The following GPI variants were observed in gnomAD, a reference collection of about 807,000 sequenced individuals.
GPI encodes glucose-6-phosphate isomerase.
In GPI, 56 loss-of-function variants were observed where a neutral mutation model predicts 75.8. That is an observed-to-expected ratio of 0.74 (90% CI 0.60 to 0.92). The LOEUF is 0.92. Ranked by LOEUF, GPI falls within the 40% of genes least tolerant of loss-of-function variation. The pLI, the probability that GPI is intolerant of heterozygous loss-of-function variation, is 0.00. For synonymous variants in GPI, 288 were observed against 285.4 expected (o/e 1.01, Z -0.09); for missense variants, 638 against 741.0 (o/e 0.86, Z 1.61).
Position 34,377,841 on chromosome 19 carries a change from A to C in GPI, c.593A>C (p.Gln198Pro), listed in dbSNP as rs769714482. ...ACTCACATTGCCAAAACCCTGGCCC[A>C]GCTGAACCCCGAGTCCTCCCTGTTC... ...DGTHIAKTLA[Q>P]LNPESSLFII... Residue 198 changes from glutamine to proline, a missense_variant, in exon 6 of 18, where the codon CAG becomes CCG. Physicochemically the swap from Gln to Pro is moderately conservative, Grantham distance 76. Transcript: ENST00000356487. 1 of 1,614,070 alleles carries C rather than the reference A, an allele frequency of 6.2e-7. No individual in the cohort carries two copies. Among genetic ancestry groups the C allele is most frequent in the Non-Finnish European group, 8.5e-7 (1 of 1,179,990 alleles).
intron 9 of GPI, among the ~76,000 whole-genome samples, chr19:34,384,078 C>T (rs538196907): frequency 3.3e-5 from 5 of 152,030 alleles, no homozygotes; most frequent in Admixed American, 6.6e-5. Context: ...CTGGTAAGGA[C>T]GTTGGAGCTA....
chr19:34,381,413 C>T, intron 8 of GPI, 53 bp from the exon 9 acceptor site: 1 of 1,225,082 alleles, frequency 8.2e-7, no homozygotes, highest in Non-Finnish European at 1.2e-6. Flanking sequence ...CTGTTCCCAT[C>T]CCGCTAGCAA....
At chr19:34,379,345 G>GA (rs2074604809) in intron 7 of GPI, among the ~76,000 whole-genome samples, 173 bp from the exon 8 acceptor site, 1 of 152,180 alleles carries the variant, frequency 6.6e-6, no homozygotes, top group East Asian at 1.9e-4. Context: ...CAGGCGGCCT[G>GA]TGACCCGTCT....
At chr19:34,371,216 A>G (rs1017588537) in intron 4 of GPI, among the ~76,000 whole-genome samples, 1 of 152,228 alleles carries the variant, frequency 6.6e-6, no homozygotes, top group African/African-American at 2.4e-5. Context: ...TAGTTCAAAA[A>G]AAGTTGCTGA....
upstream of GPI, among the ~76,000 whole-genome samples, chr19:34,362,740 C>T (rs901536594): frequency 6.6e-6 from 1 of 152,198 alleles, no homozygotes; most frequent in Non-Finnish European, 1.5e-5. Context: ...TCATTCTCTT[C>T]GTTATTTTCC....
chr19:34,374,130 C>CTTTTTTTTTTTTTT (rs749828679), intron 4 of GPI, among the ~76,000 whole-genome samples: 1 of 114,132 alleles, frequency 8.8e-6, no homozygotes, highest in Non-Finnish European at 1.7e-5. Flanking sequence ...CCATGCCCGC[C>CTTTTTTTTTTTTTT]TTTTTTTTTT....
chr19:34,401,757 GCCTTC>G lies in GPI; in HGVS notation c.*1723_*1727del, dbSNP rs2075025591. 6.6e-6 allele frequency: 1 copy of G among 152,180 alleles called. No individual in the cohort carries two copies. The highest frequency in any genetic ancestry group is 2.4e-5 in the African/African-American group (1 of 41,438). The allele number at this position is 152,180 out of a possible 1,614,324, so 9.4% of individuals were successfully genotyped here. A position where few individuals can be genotyped will look rare whatever the true frequency, so the allele number is the denominator to read the frequency against. On this transcript the variant is annotated 3_prime_UTR_variant, in exon 18 of 18. Transcript: ENST00000356487. The stretch of plus-strand genomic sequence containing the variant: ...AGGCTAAGGTGATCTTCTCACCTCA[GCCTTC>G]CAAGTAGCTGGGTCCGCAGATGCAT...
intron 9 of GPI, among the ~76,000 whole-genome samples, chr19:34,385,498 G>A (rs2074721891): frequency 6.6e-6 from 1 of 152,146 alleles, no homozygotes; most frequent in Admixed American, 6.5e-5. Context: ...CCTGGCCCAG[G>A]TACATCTTCG....
intron 3 of GPI, among the ~76,000 whole-genome samples, chr19:34,368,020 A>G (rs2074392178): frequency 6.6e-6 from 1 of 152,232 alleles, no homozygotes; most frequent in Non-Finnish European, 1.5e-5. Context: ...TAATGGGTTC[A>G]GGCGATTCTC....
intron 3 of GPI, 67 bp downstream of exon 3, chr19:34,366,918 C>T (rs529832732): frequency 2.9e-5 from 34 of 1,156,554 alleles, no homozygotes; most frequent in African/African-American, 4.5e-5. Flanking sequence ...GACTGTTAGC[C>T]GCATCACCCT....
chr19:34,366,841 A>C lies in GPI; in HGVS notation c.272A>C (p.Asn91Thr). 6.2e-7 allele frequency: 1 copy of C among 1,612,670 alleles called. No homozygotes were observed. The highest frequency in any genetic ancestry group is 8.5e-7 in the Non-Finnish European group (1 of 1,178,724). Reference protein sequence around the residue: ...RERMFNGEKINYTEGRAVLHV... With the variant: ...RERMFNGEKITYTEGRAVLHV... Reference sequence around the variant, plus strand: ...CGGATGTTCAATGGTGAGAAGATCAACTACACCGAGGTGAGCAGGCCCCAC... The same window carrying C: ...CGGATGTTCAATGGTGAGAAGATCACCTACACCGAGGTGAGCAGGCCCCAC... Residue 91 changes from asparagine (N) to threonine (T), a missense_variant, in exon 3 of 18, where the codon AAC becomes ACC. By Grantham distance (65) the Asn-to-Thr change is moderately conservative. Transcript: ENST00000356487.
chr19:34,379,519 C>T lies in GPI; in HGVS notation c.707C>T (p.Pro236Leu), dbSNP rs375719283. 6.2e-7 allele frequency: 1 copy of T among 1,613,938 alleles called. No individual in the cohort carries two copies. ...GTAACTTGGCTCTGTCTCTTGTAGC[C>T]TTCTGCAGTGGCGAAGCACTTTGTT... is the stretch of plus-strand genomic sequence containing the variant. The part of the protein sequence containing the change: ...KEWFLQAAKD[P>L]SAVAKHFVAL... Residue 236 changes from proline to leucine, a missense_variant and splice_region_variant, in exon 8 of 18, where the codon CCT becomes CTT. By Grantham distance (98) the Pro-to-Leu change is moderately conservative (BLOSUM62 -3). Transcript: ENST00000356487.
rs142159864 is a variant in GPI, at chr19:34,369,154, T to G, written c.402+452T>G. On this transcript the variant is annotated intron_variant, in intron 4 of 17. Transcript: ENST00000356487. ...ACTTCCGCCTCCTGGATTCAAGCTA[T>G]TCTCCTACCTCAGCCTCCCGAGTAG... 5.2e-3 allele frequency among the ~76,000 whole-genome samples: 785 copies of G among 151,944 alleles called. 6 individuals carry two copies. The highest frequency in any genetic ancestry group is 0.018 in the African/African-American group (747 of 41,452).
At chr19:34,381,119 A>G (rs2074644118) in intron 8 of GPI, 2 of 400,020 alleles carry the variant, frequency 5.0e-6, no homozygotes, top group South Asian at 2.2e-5. Flanking sequence ...CCAGATGTCC[A>G]GGGGTATCAT....
intron 6 of GPI, 34 bp downstream of exon 6, chr19:34,377,915 C>T: frequency 1.2e-6 from 2 of 1,612,582 alleles, no homozygotes; most frequent in South Asian, 2.2e-5. Context: ...GCCCCTGGCC[C>T]TGTGTGTGTT....
Position 34,365,228 on chromosome 19 carries a change from T to G in GPI, c.-39T>G, listed in dbSNP as rs1399798326. 1.4e-5 allele frequency: 20 copies of G among 1,446,720 alleles called. No individual in the cohort carries two copies. The highest frequency in any genetic ancestry group is 1.9e-4 in the Middle Eastern group (1 of 5,380). 89.6% of individuals were successfully genotyped at this position (1,446,720 alleles called of 1,614,324 possible). A position where few individuals can be genotyped will look rare whatever the true frequency, so the allele number is the denominator to read the frequency against. On this transcript the variant is annotated 5_prime_UTR_variant, in exon 1 of 18. Coordinates refer to ENST00000356487, the MANE Select transcript of GPI (RefSeq NM_000175.5). ...GCGCGCTGCCGGCGCTCCTTCCTCC[T>G]CGGCTCGCGTCTCACTCAGTGTACC...
intron 1 of GPI, 105 bp from the exon 2 acceptor site, chr19:34,366,233 TGTGGGGC>T (rs1324344115): frequency 1.3e-6 from 1 of 787,726 alleles, no homozygotes; most frequent in Non-Finnish European, 2.3e-6. Flanking sequence ...CCGCGGCCCT[TGTGGGGC>T]GTGGGTCAGG....
intron 9 of GPI, among the ~76,000 whole-genome samples, chr19:34,391,698 G>A (rs1030655978): frequency 6.6e-6 from 1 of 152,248 alleles, no homozygotes; most frequent in African/African-American, 2.4e-5. Flanking sequence ...TGAGGAGGTA[G>A]GATCTGGTAC....
At chr19:34,365,589 G>A in intron 1 of GPI, 1 of 887,046 alleles carries the variant, frequency 1.1e-6, no homozygotes, top group Non-Finnish European at 1.8e-6. Context: ...CAGCCTCGCC[G>A]GGAGTCTCGG....
Sources: allele counts gnomAD v4.1 joint callset (sites outside exome capture counted in the v4.1 genomes callset), GRCh38; gene constraint gnomAD v4.1.1; transcripts MANE v1.5; gene names NCBI Gene and HGNC (gene_info 2026-07-23, HGNC 2026-07-21).